DPP10: variants seen among roughly 807,000 people sequenced by gnomAD.
The protein encoded by DPP10 is inactive dipeptidyl peptidase 10.
DPP10 carries 33 observed loss-of-function variants against 120.9 expected under a neutral mutation model. That is an observed-to-expected ratio of 0.27 (90% CI 0.21 to 0.37). The LOEUF is 0.37. Among genes scored for constraint, DPP10 ranks in the 10% least tolerant of loss-of-function variants. The pLI, the probability that DPP10 is intolerant of heterozygous loss-of-function variation, is 1.00. For synonymous variants in DPP10, 337 were observed against 326.1 expected (o/e 1.03, Z -0.36); for missense variants, 816 against 942.8 (o/e 0.87, Z 1.76).
intron 1 of DPP10, among the ~76,000 whole-genome samples, chr2:114,863,631 GC>G (rs1424458251): frequency 1.4e-4 from 21 of 152,108 alleles, no homozygotes; most frequent in African/African-American, 4.8e-4. Context: ...AGCACCAAAG[GC>G]TTTCATGGAC....
chr2:115,389,832 A>AT (rs11412473), intron 3 of DPP10, among the ~76,000 whole-genome samples: 152,301 of 152,306 alleles, frequency 1, 76,148 homozygotes, highest in Middle Eastern at 1. Flanking sequence ...AAATATATCA[A>AT]TTTATAGAAT....
intron 2 of DPP10, among the ~76,000 whole-genome samples, chr2:115,326,673 G>T (rs2062384602): frequency 6.6e-6 from 1 of 151,906 alleles, no homozygotes. Flanking sequence ...CTGACCCTGT[G>T]TAGGCCTAGG....
intron 1 of DPP10, among the ~76,000 whole-genome samples, chr2:114,776,909 A>C (rs1681796301): frequency 6.6e-6 from 1 of 152,030 alleles, no homozygotes; most frequent in South Asian, 2.1e-4. Flanking sequence ...AGACTTTCTA[A>C]GGATCAGTGT....
rs142166360 is a variant in DPP10, at chr2:115,489,152, G to A, written c.272-10358G>A. Among the ~76,000 whole-genome samples, 886 of 152,062 alleles carry A rather than the reference G, an allele frequency of 5.8e-3. 8 individuals carry two copies. The highest frequency in any genetic ancestry group is 0.017 in the Middle Eastern group (5 of 294). On this transcript the variant is annotated intron_variant, in intron 3 of 25. Transcript: ENST00000410059. ...AGAGGGTAAATATTTAAGGCTTTGC[G>A]GGCCATATTTTCTCTGTTGCAACTA...
chr2:114,478,380 A>G (rs938868135), intron 1 of DPP10, among the ~76,000 whole-genome samples: 37 of 152,128 alleles, frequency 2.4e-4, no homozygotes, highest in Middle Eastern at 3.2e-3. Flanking sequence ...TTTACTGCAA[A>G]CATGCACCAC....
At chr2:115,605,546 C>T (rs1448472) in intron 5 of DPP10, among the ~76,000 whole-genome samples, 55,834 of 151,722 alleles carry the variant, frequency 0.37, 10,831 homozygotes, top group African/African-American at 0.48. Flanking sequence ...ATCTTAATTT[C>T]GCTTTTTTTA....
chr2:115,029,456 G>A lies in DPP10; in HGVS notation c.61-279783G>A, dbSNP rs1281133857. Among the ~76,000 whole-genome samples the A allele has an allele frequency of 1.2e-4, 17 of 143,366 alleles. No homozygotes were observed. In the East Asian group the frequency reaches 2.4e-3, roughly 20 times the overall value. 94.1% of individuals were successfully genotyped at this position (143,366 alleles called of 152,430 possible). Reference sequence around the variant, plus strand: ...TTTTTATTTCTTTTTGCACATTAGCGTTTTTTTTTTTCTTTCAGTCTGAAG... The same window carrying A: ...TTTTTATTTCTTTTTGCACATTAGCATTTTTTTTTTTCTTTCAGTCTGAAG... On this transcript the variant is annotated intron_variant, in intron 1 of 25. Transcript: ENST00000410059.
chr2:115,612,787 T>G (rs553315587), intron 5 of DPP10, among the ~76,000 whole-genome samples: 10 of 152,200 alleles, frequency 6.6e-5, no homozygotes, highest in Admixed American at 6.5e-4. Flanking sequence ...ATATGTGAAA[T>G]TACATAAAAT....
chr2:115,005,452 G>T, intron 1 of DPP10, among the ~76,000 whole-genome samples: 1 of 151,566 alleles, frequency 6.6e-6, no homozygotes, highest in South Asian at 2.1e-4. Context: ...CAAAGGCAAA[G>T]AAGTTGAAAA....
intron 7 of DPP10, among the ~76,000 whole-genome samples, chr2:115,694,030 A>T (rs958190394): frequency 1.1e-4 from 16 of 152,188 alleles, no homozygotes; most frequent in African/African-American, 3.1e-4. Context: ...TGGAGAATTA[A>T]GCTTAAGTTT....
At position 114,608,112 on chromosome 2, in the gene DPP10, T is replaced by C. The variant is rs115789755; in HGVS notation, c.60+165274T>C. 5.2e-3 allele frequency among the ~76,000 whole-genome samples: 787 copies of C among 152,322 alleles called. 8 individuals are homozygous for C. The highest frequency in any genetic ancestry group is 0.018 in the African/African-American group (733 of 41,576). ...CCGTAACTCTCCAAACACAAGTATTTACTGGTCCTGACTAAGAGACTTGGC... is the reference window on the plus strand; with the variant it reads ...CCGTAACTCTCCAAACACAAGTATTCACTGGTCCTGACTAAGAGACTTGGC... On this transcript the variant is annotated intron_variant, in intron 1 of 25. Coordinates refer to ENST00000410059, the MANE Select transcript of DPP10 (RefSeq NM_020868.6).
chr2:115,706,744 G>C (rs1034588027), intron 7 of DPP10, among the ~76,000 whole-genome samples: 1 of 151,894 alleles, frequency 6.6e-6, no homozygotes, highest in Non-Finnish European at 1.5e-5. Context: ...TCTACCACAA[G>C]ATGTGAACCA....
At chr2:114,866,441 C>T (rs188323808) in intron 1 of DPP10, among the ~76,000 whole-genome samples, 30 of 152,178 alleles carry the variant, frequency 2.0e-4, no homozygotes, top group Middle Eastern at 6.8e-3. Flanking sequence ...GATTATATAA[C>T]TTACAATAGT....
At chr2:114,808,399 T>C (rs1002491442) in intron 1 of DPP10, among the ~76,000 whole-genome samples, 1 of 152,178 alleles carries the variant, frequency 6.6e-6, no homozygotes, top group Non-Finnish European at 1.5e-5. Context: ...AGGAATATAA[T>C]TGCTAAGTTT....
intron 2 of DPP10, among the ~76,000 whole-genome samples, chr2:115,310,635 T>C (rs1213110763): frequency 6.6e-6 from 1 of 152,132 alleles, no homozygotes; most frequent in Non-Finnish European, 1.5e-5. Flanking sequence ...CCCAGGAACC[T>C]TTTCTTAACT....
intron 3 of DPP10, among the ~76,000 whole-genome samples, chr2:115,385,963 G>T (rs910915936): frequency 6.6e-6 from 1 of 152,116 alleles, no homozygotes; most frequent in Non-Finnish European, 1.5e-5. Flanking sequence ...GATATTCTAT[G>T]ACTATACCAC....
intron 1 of DPP10, chr2:114,461,786 A>G (rs1678935903): frequency 2.0e-6 from 2 of 985,448 alleles, no homozygotes; most frequent in South Asian, 4.7e-5. Flanking sequence ...GGAGGATTAG[A>G]GAAATAATAT....
intron 1 of DPP10, among the ~76,000 whole-genome samples, chr2:114,727,813 A>G (rs1676482784): frequency 6.6e-6 from 1 of 152,228 alleles, no homozygotes. Flanking sequence ...TTTTGAGGTG[A>G]TAACGCTAAT....
chr2:115,455,154 T>C (rs1229276964), intron 3 of DPP10, among the ~76,000 whole-genome samples: 1 of 151,870 alleles, frequency 6.6e-6, no homozygotes, highest in Non-Finnish European at 1.5e-5. Context: ...CTAAAACAAA[T>C]TGAAGATCTA....
Sources: allele counts gnomAD v4.1 joint callset (sites outside exome capture counted in the v4.1 genomes callset), GRCh38; gene constraint gnomAD v4.1.1; transcripts MANE v1.5; gene names NCBI Gene and HGNC (gene_info 2026-07-23, HGNC 2026-07-21).